Variants in MAMDC2 observed in about 807,000 individuals in gnomAD.
MAMDC2 encodes MAM domain containing 2.
In MAMDC2, 57 loss-of-function variants were observed where a neutral mutation model predicts 89.8. The ratio of observed to expected loss-of-function variants is 0.63; its 90% confidence interval spans 0.51 to 0.79. The LOEUF (loss-of-function observed/expected upper bound fraction) is 0.79, where lower values mean the gene tolerates loss of function less well. Ranked by LOEUF, MAMDC2 falls within the 30% of genes least tolerant of loss-of-function variation. The pLI, the probability that MAMDC2 is intolerant of heterozygous loss-of-function variation, is 0.00. For missense variants in MAMDC2, 800 were observed against 820.6 expected (o/e 0.97, Z 0.31); for synonymous variants, 313 against 293.4 (o/e 1.07, Z -0.68).
At chr9:70,049,585 A>G (rs1826842285) in intron 2 of MAMDC2, among the ~76,000 whole-genome samples, 1 of 152,166 alleles carries the variant, frequency 6.6e-6, no homozygotes, top group Admixed American at 6.5e-5. Context: ...GCTCATCTGC[A>G]TGGGGCTACT....
At chr9:70,150,769 C>A (rs2031555237) in intron 9 of MAMDC2, among the ~76,000 whole-genome samples, 1 of 152,142 alleles carries the variant, frequency 6.6e-6, no homozygotes, top group Non-Finnish European at 1.5e-5. Flanking sequence ...TCTAAGCCAC[C>A]ATCATTTCTT....
At chr9:70,205,353 A>T (rs1367301849) in intron 11 of MAMDC2, among the ~76,000 whole-genome samples, 1 of 152,158 alleles carries the variant, frequency 6.6e-6, no homozygotes, top group African/African-American at 2.4e-5. Flanking sequence ...TTTTAAAATC[A>T]CTTAAAAGTA....
At chr9:70,085,419 T>G (rs1432364626) in intron 2 of MAMDC2, among the ~76,000 whole-genome samples, 1 of 152,098 alleles carries the variant, frequency 6.6e-6, no homozygotes, top group African/African-American at 2.4e-5. Context: ...TTTGTCAAAG[T>G]ACCTCTTACC....
chr9:70,174,010 G>T (rs956236227), intron 11 of MAMDC2, among the ~76,000 whole-genome samples: 2 of 152,210 alleles, frequency 1.3e-5, no homozygotes, highest in Admixed American at 1.3e-4. Flanking sequence ...GGATTAGACT[G>T]CCTAGGTTCA....
At chr9:70,209,619 C>T (rs996032465) in intron 11 of MAMDC2, among the ~76,000 whole-genome samples, 13 of 151,426 alleles carry the variant, frequency 8.6e-5, no homozygotes, top group Non-Finnish European at 1.6e-4. Context: ...AAGGGTCTTT[C>T]GTATCTCTAT....
chr9:70,044,360 C>T lies in MAMDC2; in HGVS notation c.34+129C>T, dbSNP rs1473757920. The T allele has an allele frequency of 4.6e-6, 5 of 1,082,284 alleles. No individual in the cohort carries two copies. In the East Asian group the frequency reaches 1.3e-4, roughly 28 times the overall value. 67.0% of individuals were successfully genotyped at this position (1,082,284 alleles called of 1,614,324 possible). A position where few individuals can be genotyped will look rare whatever the true frequency, so the allele number is the denominator to read the frequency against. On this transcript the variant is annotated intron_variant, in intron 1 of 13. Transcript: ENST00000377182. Reference sequence around the variant, plus strand: ...AGGGCGCCTCCTGATCCTCCGCAGCCGCTAACTCCCTCCCCTGGCCAAGCC... The same window carrying T: ...AGGGCGCCTCCTGATCCTCCGCAGCTGCTAACTCCCTCCCCTGGCCAAGCC...
chr9:70,147,575 G>C (rs1390838625), intron 9 of MAMDC2, among the ~76,000 whole-genome samples: 1 of 150,038 alleles, frequency 6.7e-6, no homozygotes, highest in African/African-American at 2.5e-5. Context: ...TTTAGACAGT[G>C]TCTCTTGACA....
intron 6 of MAMDC2, among the ~76,000 whole-genome samples, chr9:70,131,106 T>C (rs2030787143): frequency 6.6e-6 from 1 of 152,184 alleles, no homozygotes; most frequent in South Asian, 2.1e-4. Flanking sequence ...GCTGAGGGCC[T>C]GTTTCCTGGT....
intron 2 of MAMDC2, among the ~76,000 whole-genome samples, chr9:70,098,004 C>A (rs12000536): frequency 0.042 from 6,433 of 152,190 alleles, 411 homozygotes; most frequent in African/African-American, 0.14. Flanking sequence ...CTTTCTAATT[C>A]AGCAGGAAGA....
At chr9:70,166,200 C>T (rs1457088678) in intron 9 of MAMDC2, among the ~76,000 whole-genome samples, 2 of 150,616 alleles carry the variant, frequency 1.3e-5, no homozygotes, top group East Asian at 3.9e-4. Flanking sequence ...GAGATCGCAT[C>T]ATTGCACTCT....
intron 8 of MAMDC2, among the ~76,000 whole-genome samples, chr9:70,143,036 C>T (rs1038283651): frequency 3.9e-5 from 6 of 152,112 alleles, no homozygotes; most frequent in Non-Finnish European, 7.3e-5. Context: ...TCTTCAAGGG[C>T]AGGTTTAACA....
At chr9:70,214,106 T>A (rs1000016584) in intron 11 of MAMDC2, among the ~76,000 whole-genome samples, 1 of 152,176 alleles carries the variant, frequency 6.6e-6, no homozygotes, top group African/African-American at 2.4e-5. Flanking sequence ...TCTCTGTCCT[T>A]GTGAATTCTA....
At chr9:70,075,907 A>G (rs1352648253) in intron 2 of MAMDC2, among the ~76,000 whole-genome samples, 2 of 152,256 alleles carry the variant, frequency 1.3e-5, no homozygotes, top group Non-Finnish European at 2.9e-5. Flanking sequence ...GGAAATCTTC[A>G]GCACATGTTG....
In MAMDC2 at chr9:70,218,548, T is replaced by A. The variant is rs768681962; in HGVS notation, c.1863T>A (p.Ile621=). Residue 621 remains isoleucine, a synonymous_variant, in exon 12 of 14, where the codon ATT becomes ATA. Coordinates refer to ENST00000377182, the MANE Select transcript of MAMDC2 (RefSeq NM_153267.5). ...LLWRRRGEQS[I]SWLRALIEYS... ...GGAGGAGAAGAGGTGAACAGAGCAT[T>A]TCCTGGCTACGAGCACTGATTGAAT... The A allele has an allele frequency of 3.7e-6, 6 of 1,614,104 alleles. No individual in the cohort carries two copies. Among genetic ancestry groups the A allele is most frequent in the Non-Finnish European group, 1.7e-6 (2 of 1,179,996 alleles).
At chr9:70,086,268 A>C (rs1434940951) in intron 2 of MAMDC2, 2 of 152,198 alleles carry the variant, frequency 1.3e-5, no homozygotes, top group African/African-American at 2.4e-5. Flanking sequence ...ATATGCTTTC[A>C]TAAAAATTAT....
At chr9:70,059,646 G>A (rs1827102468) in intron 2 of MAMDC2, among the ~76,000 whole-genome samples, 1 of 152,096 alleles carries the variant, frequency 6.6e-6, no homozygotes, top group South Asian at 2.1e-4. Context: ...TAAAGTACAG[G>A]TAGAGAGAAA....
intron 11 of MAMDC2, among the ~76,000 whole-genome samples, chr9:70,205,991 A>G (rs1485437277): frequency 6.7e-6 from 1 of 148,776 alleles, no homozygotes; most frequent in African/African-American, 2.5e-5. Flanking sequence ...GAAGAAAAAA[A>G]TACTTGTCAT....
intron 11 of MAMDC2, among the ~76,000 whole-genome samples, chr9:70,212,853 C>T (rs1043782590): frequency 7.9e-5 from 12 of 152,138 alleles, no homozygotes; most frequent in African/African-American, 2.9e-4. Context: ...GGCACATGAA[C>T]TGAAAGCATA....
chr9:70,208,044 A>G (rs2033266677), intron 11 of MAMDC2, among the ~76,000 whole-genome samples: 1 of 152,096 alleles, frequency 6.6e-6, no homozygotes, highest in African/African-American at 2.4e-5. Context: ...GCCTTGTAGT[A>G]TAGTTTGCAG....
Sources: allele counts gnomAD v4.1 joint callset (sites outside exome capture counted in the v4.1 genomes callset), GRCh38; gene constraint gnomAD v4.1.1; transcripts MANE v1.5; gene names NCBI Gene and HGNC (gene_info 2026-07-23, HGNC 2026-07-21).